IFFO1: variants seen among roughly 807,000 people sequenced by gnomAD.
IFFO1 encodes the protein intermediate filament family orphan 1, also known as non-homologous end joining factor IFFO1.
IFFO1 carries 42 observed loss-of-function variants against 59.6 expected under a neutral mutation model. That is an observed-to-expected ratio of 0.70 (90% CI 0.55 to 0.91). IFFO1 has a LOEUF of 0.91. IFFO1 is among the 40% of genes least tolerant of loss of function. IFFO1 has a pLI of 0.00. For missense variants in IFFO1, 711 were observed against 793.2 expected, an observed-to-expected ratio of 0.90 and a Z score of 1.24; for synonymous variants, 336 against 342.8, an observed-to-expected ratio of 0.98 and a Z score of 0.22.
At chr12:6,551,322 C>T (rs981897152) in intron 1 of IFFO1, 1 of 880,244 alleles carries the variant, frequency 1.1e-6, no homozygotes, top group African/African-American at 1.7e-5. Context: ...CCCAGCTCAG[C>T]CAGCTGTCCG....
rs1947112344 is a variant in IFFO1, at chr12:6,549,051, A to G, written c.1081-202T>C. On this transcript the variant is annotated intron_variant, in intron 5 of 9. Coordinates refer to ENST00000619571, the MANE Select transcript of IFFO1 (RefSeq NM_001193457.2). The surrounding 1 kb of genome is among the most constrained non-coding windows in gnomAD (Gnocchi z 5.0). Reference sequence around the variant, plus strand: ...GCGGGGGTCAGGGCTGCAAACCGAGAAGGCAGAACAAGAAGAAATCGAGAA... The same window carrying G: ...GCGGGGGTCAGGGCTGCAAACCGAGGAGGCAGAACAAGAAGAAATCGAGAA... 1.7e-6 allele frequency: 1 copy of G among 594,004 alleles called. No individual in the cohort carries two copies. Among genetic ancestry groups the G allele is most frequent in the East Asian group, 2.8e-5 (1 of 35,642 alleles). 36.8% of individuals were successfully genotyped at this position (594,004 alleles called of 1,614,324 possible).
rs1946627619 is a variant in IFFO1 at position 6,540,106 on chromosome 12, G to A, written c.*377C>T. The A allele has an allele frequency of 9.3e-6, 3 of 323,990 alleles. No individual in the cohort carries two copies. The highest frequency in any genetic ancestry group is 1.8e-5 in the Non-Finnish European group (3 of 170,236). 20.1% of individuals were successfully genotyped at this position (323,990 alleles called of 1,614,324 possible). A position where few individuals can be genotyped will look rare whatever the true frequency, so the allele number is the denominator to read the frequency against. The stretch of plus-strand genomic sequence containing the variant: ...CCAGTTAGCACCAGTGTGGAAGACA[G>A]TGAGCTGGCTCCGGACAACAGGGAT... On this transcript the variant is annotated 3_prime_UTR_variant, in exon 10 of 10. Coordinates refer to ENST00000619571, the MANE Select transcript of IFFO1 (RefSeq NM_001193457.2).
intron 3 of IFFO1, chr12:6,550,415 GC>G: frequency 1.9e-6 from 1 of 515,406 alleles, no homozygotes; most frequent in Non-Finnish European, 3.5e-6. Flanking sequence ...TCGGCCCAGC[GC>G]CCCGGCGCCA....
chr12:6,555,384 C>T lies in IFFO1; in HGVS notation c.646G>A (p.Gly216Arg). The T allele has an allele frequency of 6.2e-7, 1 of 1,614,226 alleles. No homozygotes were observed. The highest frequency in any genetic ancestry group is 8.5e-7 in the Non-Finnish European group (1 of 1,180,014). ...GGGTGCACCCACGACAAGCCAGGCC[C>T]TTGCACCAGAGTGGGCTCCAGTCCC... ...GPGLEPTLVQ[G>R]PGLSWVHPDG... Residue 216 changes from glycine (G) to arginine (R), a missense_variant, in exon 1 of 10, where the codon GGG becomes AGG. By Grantham distance (125) the Gly-to-Arg change is moderately radical (BLOSUM62 -2). Coordinates refer to ENST00000619571, the MANE Select transcript of IFFO1 (RefSeq NM_001193457.2). This position sits in a 1 kb window ranked among gnomAD's most constrained non-coding sequence, Gnocchi z 8.6.
intron 8 of IFFO1, among the ~76,000 whole-genome samples, chr12:6,547,020 C>T (rs1255116969): frequency 6.6e-6 from 1 of 152,200 alleles, no homozygotes; most frequent in Non-Finnish European, 1.5e-5. Flanking sequence ...GCTACACTCG[C>T]TATGAGCCAG....
rs550039882 is a variant in IFFO1 at position 6,549,699 on chromosome 12, C to T, written c.1071+57G>A. ...GGCCTGCGTTCCAGGCCAGCCGCCA[C>T]GGAAGCATCCACCTGCCCCACCCAC... On this transcript the variant is annotated intron_variant, in intron 4 of 9. Transcript: ENST00000619571. This position sits in a 1 kb window ranked among gnomAD's most constrained non-coding sequence, Gnocchi z 5.0. 9.1e-5 allele frequency: 143 copies of T among 1,576,984 alleles called. No individual in the cohort carries two copies. Among genetic ancestry groups the T allele is most frequent in the Middle Eastern group, 3.4e-4 (2 of 5,924 alleles).
intron 8 of IFFO1, among the ~76,000 whole-genome samples, chr12:6,544,415 C>T (rs998951291): frequency 5.3e-5 from 8 of 152,122 alleles, no homozygotes; most frequent in African/African-American, 1.7e-4. Flanking sequence ...GTGATCTGCC[C>T]GCGTTGGCCT....
intron 8 of IFFO1, among the ~76,000 whole-genome samples, chr12:6,544,164 A>ATT (rs1946845423): frequency 8.2e-6 from 1 of 121,244 alleles, no homozygotes; most frequent in Non-Finnish European, 1.7e-5. Flanking sequence ...ATTTGAAAAT[A>ATT]CTTTTTTTTT....
rs1261293576 is a variant in IFFO1, at chr12:6,539,600, A to C, written c.*883T>G. On this transcript the variant is annotated 3_prime_UTR_variant, in exon 10 of 10. Transcript: ENST00000619571. Reference sequence around the variant, plus strand: ...GAATGTCAGCTCAACACAGCCTCCTATACCGAGGCATTGTGAACCGCATCT... The same window carrying C: ...GAATGTCAGCTCAACACAGCCTCCTCTACCGAGGCATTGTGAACCGCATCT... 1 of 152,224 alleles carries C rather than the reference A, an allele frequency of 6.6e-6. No individual in the cohort carries two copies. The highest frequency in any genetic ancestry group is 2.4e-5 in the African/African-American group (1 of 41,444). 9.4% of individuals were successfully genotyped at this position (152,224 alleles called of 1,614,324 possible).
intron 1 of IFFO1, chr12:6,551,829 C>T (rs759833795): frequency 3.4e-5 from 10 of 297,108 alleles, no homozygotes; most frequent in Middle Eastern, 1.2e-3. Context: ...GTGGGCCGGA[C>T]GACACCCTGG....
rs1202132314 is a variant in IFFO1 at position 6,549,681 on chromosome 12, G to A, written c.1071+75C>T. 9.1e-6 allele frequency: 14 copies of A among 1,542,446 alleles called. No homozygotes were observed. The highest frequency in any genetic ancestry group is 1.7e-4 in the Middle Eastern group (1 of 5,788). On this transcript the variant is annotated intron_variant, in intron 4 of 9. Coordinates refer to ENST00000619571, the MANE Select transcript of IFFO1 (RefSeq NM_001193457.2). This position sits in a 1 kb window ranked among gnomAD's most constrained non-coding sequence, Gnocchi z 5.0. ...TCCCCAAGCAGGAGGCAGGGCCTGC[G>A]TTCCAGGCCAGCCGCCACGGAAGCA...
rs541587507 is a variant in IFFO1, at chr12:6,555,891, C to T, written c.139G>A (p.Gly47Ser). ...DLPPAPLSPA[G>S]PAAYSPPGPG... The stretch of plus-strand genomic sequence containing the variant: ...CCGGGCGGCGAGTAGGCAGCAGGGC[C>T]GGCCGGCGAGAGAGGCGCCGGGGGC... Residue 47 changes from glycine (G) to serine (S), a missense_variant, in exon 1 of 10, where the codon GGC becomes AGC. Coordinates refer to ENST00000619571, the MANE Select transcript of IFFO1 (RefSeq NM_001193457.2). The surrounding 1 kb of genome is among the most constrained non-coding windows in gnomAD (Gnocchi z 8.6). 5.4e-5 allele frequency: 86 copies of T among 1,582,832 alleles called. No individual in the cohort carries two copies. The African/African-American group carries it at 8.8e-4, about 16-fold the overall frequency.
chr12:6,541,033 A>AAG lies in IFFO1; in HGVS notation c.1611-446_1611-445insCT, dbSNP rs1555143820. On this transcript the variant is annotated intron_variant, in intron 9 of 9. Transcript: ENST00000619571. This position sits in a 1 kb window ranked among gnomAD's most constrained non-coding sequence, Gnocchi z 4.8. ...GGTTGTAGTGAGCCAAAAAAAAAAA[A>AAG]AAAAGAAATAGCTGAAGTCACAGTA... 6.6e-6 allele frequency among the ~76,000 whole-genome samples: 1 copy of AAG among 151,770 alleles called. No homozygotes were observed. Among genetic ancestry groups the AAG allele is most frequent in the African/African-American group, 2.4e-5 (1 of 41,270 alleles).
At chr12:6,551,455 G>C (rs1227531118) in intron 1 of IFFO1, 2 of 1,294,586 alleles carry the variant, frequency 1.5e-6, no homozygotes, top group East Asian at 5.5e-5. Flanking sequence ...AGAGCTCGTC[G>C]AGCCCGCTGC....
intron 8 of IFFO1, among the ~76,000 whole-genome samples, chr12:6,542,594 G>C (rs927967473): frequency 1.3e-5 from 2 of 152,248 alleles, no homozygotes; most frequent in African/African-American, 4.8e-5. Flanking sequence ...GAAGGAAACA[G>C]GTTACAGGGC....
chr12:6,553,332 A>T (rs1000453804), intron 1 of IFFO1, among the ~76,000 whole-genome samples: 1 of 136,130 alleles, frequency 7.3e-6, no homozygotes, highest in Admixed American at 7.0e-5. Context: ...CCTTCAGTTT[A>T]AAAAAAAAAT....
intron 1 of IFFO1, among the ~76,000 whole-genome samples, chr12:6,553,331 T>TAA (rs139603173): frequency 4.2e-4 from 63 of 150,114 alleles, no homozygotes; most frequent in African/African-American, 1.5e-3. Context: ...TCCTTCAGTT[T>TAA]AAAAAAAAAA....
In IFFO1 at chr12:6,549,754, A is replaced by C. The variant is rs1947151589; in HGVS notation, c.1071+2T>G. 1 of 1,612,020 alleles carries C rather than the reference A, an allele frequency of 6.2e-7. No individual in the cohort carries two copies. The highest frequency in any genetic ancestry group is 1.3e-5 in the African/African-American group (1 of 74,910). On this transcript the variant is annotated splice_donor_variant, in intron 4 of 9. Transcript: ENST00000619571. LOFTEE classifies it high-confidence loss of function. The surrounding 1 kb of genome is among the most constrained non-coding windows in gnomAD (Gnocchi z 5.0). ...GAGAGCAGAGGGCAGCTCCGTCCTC[A>C]CCTGGAACATCTGGATCATGTCCTC...
chr12:6,544,907 T>C (rs977251575), intron 8 of IFFO1: 4 of 152,220 alleles, frequency 2.6e-5, no homozygotes, highest in African/African-American at 9.7e-5. Context: ...ACACCTCCAA[T>C]GTGACAGCAA....
Sources: allele counts gnomAD v4.1 joint callset (sites outside exome capture counted in the v4.1 genomes callset), GRCh38; gene constraint gnomAD v4.1.1; non-coding constraint Gnocchi (gnomAD v3.1); transcripts MANE v1.5; gene names NCBI Gene and HGNC (gene_info 2026-07-23, HGNC 2026-07-21).